The following SCAF11 variants were observed in gnomAD, a reference collection of about 807,000 sequenced individuals.
SCAF11 encodes SR-related CTD associated factor 11.
A neutral mutation model predicts 140.5 loss-of-function variants in SCAF11; 47 were observed. The ratio of observed to expected loss-of-function variants is 0.33; its 90% confidence interval spans 0.26 to 0.43. The LOEUF is 0.43. SCAF11 is among the 20% of genes least tolerant of loss of function. The pLI is 1.00. For synonymous variants in SCAF11, 557 were observed against 579.4 expected (o/e 0.96, Z 0.55); for missense variants, 1,645 against 1,705.1 (o/e 0.96, Z 0.62).
Position 45,963,777 on chromosome 12 carries a change from T to C in SCAF11, c.61+330A>G, listed in dbSNP as rs138613821. Among the ~76,000 whole-genome samples the C allele has an allele frequency of 1.6e-3, 249 of 152,284 alleles. 1 individual carries two copies. Among genetic ancestry groups the C allele is most frequent in the African/African-American group, 5.7e-3 (235 of 41,568 alleles). On this transcript the variant is annotated intron_variant, in intron 2 of 14. Coordinates refer to ENST00000369367, the MANE Select transcript of SCAF11 (RefSeq NM_004719.3). ...CTTCTGTTGGTAGTGAAAATTAAAT[T>C]AGCTTTAGAAGCAGAGGACAGTACC...
Position 45,957,891 on chromosome 12 carries a change from C to G in SCAF11, c.219+3809G>C, listed in dbSNP as rs138019836. Among the ~76,000 whole-genome samples the G allele has an allele frequency of 1.3e-3, 204 of 151,914 alleles. 1 individual carries two copies. Among genetic ancestry groups the G allele is most frequent in the African/African-American group, 4.8e-3 (198 of 41,428 alleles). On this transcript the variant is annotated intron_variant, in intron 3 of 14. Transcript: ENST00000369367. ...CGGCAACTGTGGGAAATAATGATTC[C>G]TACTTTCTCTCTTTTTTTTGAGATA...
chr12:45,927,927 T>C lies in SCAF11; in HGVS notation c.1774A>G (p.Ile592Val). ...EKITESSLVE[I>V]TEHKDFTLKT... ...AGTGTAAAATCTTTATGTTCAGTAATTTCTACTAGGGAACTCTCTGTTATT... is the reference window on the plus strand; with the variant it reads ...AGTGTAAAATCTTTATGTTCAGTAACTTCTACTAGGGAACTCTCTGTTATT... Residue 592 changes from isoleucine (I) to valine (V), a missense_variant, in exon 11 of 15, where the codon ATT (isoleucine) becomes GTT (valine). Physicochemically the swap from Ile to Val is conservative, Grantham distance 29. Coordinates refer to ENST00000369367, the MANE Select transcript of SCAF11 (RefSeq NM_004719.3). 1.9e-6 allele frequency: 3 copies of C among 1,613,016 alleles called. No individual in the cohort carries two copies. The highest frequency in any genetic ancestry group is 2.5e-6 in the Non-Finnish European group (3 of 1,179,786).
At chr12:45,969,042 G>A (rs1946013056) in intron 1 of SCAF11, among the ~76,000 whole-genome samples, 2 of 152,196 alleles carry the variant, frequency 1.3e-5, no homozygotes, top group South Asian at 4.1e-4. Flanking sequence ...TGTGGACAGT[G>A]CATGTGAGAA....
intron 6 of SCAF11, among the ~76,000 whole-genome samples, chr12:45,941,049 C>T (rs7306229): frequency 0.39 from 59,543 of 151,988 alleles, 13,471 homozygotes; most frequent in East Asian, 0.55. Context: ...CTTAAACATT[C>T]TGCCTGAACT....
chr12:45,934,264 T>A lies in SCAF11; in HGVS notation c.544A>T (p.Thr182Ser). 6.2e-7 allele frequency: 1 copy of A among 1,609,816 alleles called. No homozygotes were observed. Among genetic ancestry groups the A allele is most frequent in the Admixed American group, 1.7e-5 (1 of 59,622 alleles). ...INKPQRSNWS[T>S]NQCFRNFFSN... ...AAAAAATTTCTGAAGCACTGATTTG[T>A]ACTCCAATTTGATCTCTGAGGCTAG... The change falls in exon 8 of 15, where the codon ACA (threonine) becomes TCA (serine). Residue 182 changes from threonine (T) to serine (S), a missense_variant. By Grantham distance (58) the Thr-to-Ser change is moderately conservative (BLOSUM62 1). This residue lies in a region of SCAF11 where 1,582 missense variants were observed against 1,609.2 expected (regional missense o/e 0.98). Transcript: ENST00000369367.
intron 4 of SCAF11, 78 bp downstream of exon 4, chr12:45,951,572 A>T: frequency 1.1e-6 from 1 of 939,116 alleles, no homozygotes; most frequent in East Asian, 2.5e-5. Context: ...ATTTTCAAAT[A>T]TACACAAACT....
chr12:45,983,064 AATG>A (rs781717642), intron 1 of SCAF11, among the ~76,000 whole-genome samples: 4 of 152,180 alleles, frequency 2.6e-5, no homozygotes, highest in Non-Finnish European at 4.4e-5. Context: ...AAAGAAAAAT[AATG>A]ATAATAAAGT....
chr12:45,958,251 A>G (rs1477208016), intron 3 of SCAF11, among the ~76,000 whole-genome samples: 2 of 152,108 alleles, frequency 1.3e-5, no homozygotes, highest in African/African-American at 4.8e-5. Context: ...TGTGTTGGAG[A>G]TTATCTTGTC....
At chr12:45,981,645 A>C (rs1946352845) in intron 1 of SCAF11, among the ~76,000 whole-genome samples, 1 of 152,154 alleles carries the variant, frequency 6.6e-6, no homozygotes, top group South Asian at 2.1e-4. Flanking sequence ...AAAATTTAAA[A>C]AATTAGCCGA....
intron 6 of SCAF11, among the ~76,000 whole-genome samples, chr12:45,939,259 ATC>A (rs910399853): frequency 1.3e-5 from 2 of 152,076 alleles, no homozygotes; most frequent in South Asian, 4.1e-4. Context: ...GGCTATAATA[ATC>A]TCTAATCAAG....
rs117675993 is a variant in SCAF11, at chr12:45,939,861, A to G, written c.464-5356T>C. ...AAGAAATTTAAATTATCCTTAGGCT[A>G]TATCATGGTTTCTGTTCAGTGTAAC... On this transcript the variant is annotated intron_variant, in intron 6 of 14. Coordinates refer to ENST00000369367, the MANE Select transcript of SCAF11 (RefSeq NM_004719.3). Among the ~76,000 whole-genome samples, 1,399 of 152,354 alleles carry G rather than the reference A, an allele frequency of 9.2e-3. 9 individuals are homozygous for G. The highest frequency in any genetic ancestry group is 0.017 in the Middle Eastern group (5 of 294).
chr12:45,990,296 C>A (rs1476866613), intron 1 of SCAF11, 57 bp downstream of exon 1: 12 of 1,231,288 alleles, frequency 9.7e-6, no homozygotes, highest in Middle Eastern at 3.1e-4. Flanking sequence ...CGCTAACCCT[C>A]GTCTCTCCCA....
intron 6 of SCAF11, among the ~76,000 whole-genome samples, chr12:45,944,926 T>G (rs1945384400): frequency 6.6e-6 from 1 of 152,130 alleles, no homozygotes; most frequent in African/African-American, 2.4e-5. Context: ...GTATTTAATC[T>G]CATCTCCCCC....
chr12:45,938,114 A>C (rs1945210930), intron 6 of SCAF11, among the ~76,000 whole-genome samples: 1 of 152,172 alleles, frequency 6.6e-6, no homozygotes, highest in South Asian at 2.1e-4. Context: ...ATACTGTTTT[A>C]CTTTCTATTT....
chr12:45,944,955 G>C (rs1183674331), intron 6 of SCAF11: 2 of 346,120 alleles, frequency 5.8e-6, no homozygotes, highest in Admixed American at 1.0e-4. Context: ...CTGCACTAAT[G>C]GGTGGAATAA....
At chr12:45,982,219 A>C (rs1946365047) in intron 1 of SCAF11, among the ~76,000 whole-genome samples, 2 of 152,210 alleles carry the variant, frequency 1.3e-5, no homozygotes, top group Non-Finnish European at 2.9e-5. Flanking sequence ...CAGTTTCTAA[A>C]GAAATATGAC....
rs2136509076 is a variant in SCAF11 at position 45,927,884 on chromosome 12, A to G, written c.1817T>C (p.Ile606Thr). Residue 606 changes from isoleucine (I) to threonine (T), a missense_variant, in exon 11 of 15, where the codon ATA becomes ACA. Physicochemically the swap from Ile to Thr is moderately conservative, Grantham distance 89. Transcript: ENST00000369367. ...AGAAGATTCTAACTTGGGGCTCTCT[A>G]TAAGCTCCTCTGTTTTTAGTGTAAA... Reference protein sequence around the residue: ...KDFTLKTEELIESPKLESSEG... With the variant: ...KDFTLKTEELTESPKLESSEG... 1 of 1,613,046 alleles carries G rather than the reference A, an allele frequency of 6.2e-7. No individual in the cohort carries two copies. Among genetic ancestry groups the G allele is most frequent in the Non-Finnish European group, 8.5e-7 (1 of 1,179,790 alleles).
At chr12:45,960,782 C>T (rs770983947) in intron 3 of SCAF11, 2 of 152,022 alleles carry the variant, frequency 1.3e-5, no homozygotes, top group African/African-American at 2.4e-5. Flanking sequence ...TTAAGCAAAA[C>T]ATAGCGCTTT....
chr12:45,991,961 GCT>G (rs1398591853), upstream of SCAF11: 1 of 1,289,236 alleles, frequency 7.8e-7, no homozygotes, highest in Non-Finnish European at 1.0e-6. Context: ...CGCGTGCTGC[GCT>G]CTCCAGCCAC....
Sources: gnomAD v4.1 joint callset for allele counts (sites outside exome capture counted in the v4.1 genomes callset) on GRCh38, gnomAD v4.1.1 for gene constraint, gnomAD v4.1.1 regional missense constraint, MANE v1.5 for transcripts, NCBI Gene and HGNC (gene_info 2026-07-23, HGNC 2026-07-21) for gene names.